Variants in CDH18 observed in about 807,000 individuals in gnomAD.
CDH18 encodes the protein cadherin 18.
In CDH18, 31 loss-of-function variants were observed where a neutral mutation model predicts 67.9. The ratio of observed to expected loss-of-function variants is 0.46; its 90% CI spans 0.34 to 0.62. CDH18 has a LOEUF of 0.62. CDH18 is among the 20% of genes least tolerant of loss of function. CDH18 has a pLI of 0.01. For synonymous variants in CDH18, 362 were observed against 347.2 expected (o/e 1.04, Z -0.48); for missense variants, 890 against 975.5 (o/e 0.91, Z 1.17).
chr5:20,162,965 C>A (rs186824627), intron 2 of CDH18, among the ~76,000 whole-genome samples: 1 of 151,698 alleles, frequency 6.6e-6, no homozygotes, highest in Non-Finnish European at 1.5e-5. Context: ...AGGCTGGGGC[C>A]GGAGAATCGC....
At chr5:20,172,190 G>GTGTGTATATATATATA (rs1342353318) in intron 2 of CDH18, among the ~76,000 whole-genome samples, 15 of 23,324 alleles carry the variant, frequency 6.4e-4, no homozygotes, top group African/African-American at 2.4e-3. Context: ...AGCATTGTGT[G>GTGTGTATATATATATA]TATATATATA....
At chr5:20,560,573 G>A (rs1366721862) in intron 1 of CDH18, among the ~76,000 whole-genome samples, 2 of 151,414 alleles carry the variant, frequency 1.3e-5, no homozygotes, top group African/African-American at 4.9e-5. Flanking sequence ...GATTCAGAGT[G>A]GAGAAATCTC....
At chr5:19,796,796 C>CA (rs1172980611) in intron 3 of CDH18, among the ~76,000 whole-genome samples, 2 of 151,962 alleles carry the variant, frequency 1.3e-5, no homozygotes, top group Non-Finnish European at 2.9e-5. Flanking sequence ...GAAGCTTTCA[C>CA]ACTTCCTTCA....
At chr5:20,558,950 A>G (rs1339417618) in intron 1 of CDH18, among the ~76,000 whole-genome samples, 1 of 151,564 alleles carries the variant, frequency 6.6e-6, no homozygotes, top group African/African-American at 2.4e-5. Context: ...ACTCTGATAG[A>G]GAAAAGGAAA....
At chr5:19,942,351 G>A (rs748352571) in intron 2 of CDH18, among the ~76,000 whole-genome samples, 1 of 152,148 alleles carries the variant, frequency 6.6e-6, no homozygotes, top group Non-Finnish European at 1.5e-5. Context: ...TTGCCAATAA[G>A]TACAATCTAC....
At chr5:19,706,888 C>G (rs1036718927) in intron 5 of CDH18, among the ~76,000 whole-genome samples, 4 of 152,106 alleles carry the variant, frequency 2.6e-5, no homozygotes, top group Non-Finnish European at 4.4e-5. Flanking sequence ...CTGAATCTAG[C>G]ATTATTGACT....
Position 20,504,758 on chromosome 5 carries a change from GA to G in CDH18, c.-580+70703del, listed in dbSNP as rs1371651106. Among the ~76,000 whole-genome samples the G allele has an allele frequency of 8.4e-3, 1,121 of 132,988 alleles. 24 individuals carry two copies. The highest frequency in any genetic ancestry group is 0.029 in the African/African-American group (1,059 of 35,908). 87.2% of individuals were successfully genotyped at this position (132,988 alleles called of 152,430 possible). On this transcript the variant is annotated intron_variant, in intron 1 of 14. Coordinates refer to the CDH18 transcript ENST00000507958. ...AGGTAGAAAAAGTGAACACAAAAGG[GA>G]ATTTTTTTTTTTTTTTTTTTTTTTT... is the stretch of plus-strand genomic sequence containing the variant.
At chr5:19,609,518 G>A (rs1049931495) in intron 6 of CDH18, among the ~76,000 whole-genome samples, 11 of 151,882 alleles carry the variant, frequency 7.2e-5, no homozygotes, top group African/African-American at 2.7e-4. Flanking sequence ...ACATTGTAAA[G>A]CAAATTACTA....
intron 2 of CDH18, among the ~76,000 whole-genome samples, chr5:20,085,099 T>C (rs1182357067): frequency 6.6e-6 from 1 of 152,202 alleles, no homozygotes; most frequent in Non-Finnish European, 1.5e-5. Flanking sequence ...TTTTATGCTC[T>C]GCTTCCCTTA....
chr5:19,586,968 G>A (rs1744256152), intron 7 of CDH18, among the ~76,000 whole-genome samples: 1 of 152,092 alleles, frequency 6.6e-6, no homozygotes, highest in African/African-American at 2.4e-5. Flanking sequence ...GTGATGTTGA[G>A]CTTTTTTTCA....
chr5:20,344,690 T>C (rs1740558665), intron 1 of CDH18, among the ~76,000 whole-genome samples: 1 of 151,966 alleles, frequency 6.6e-6, no homozygotes, highest in Non-Finnish European at 1.5e-5. Flanking sequence ...CTCAAGAAAC[T>C]CATTTCCCTC....
intron 1 of CDH18, among the ~76,000 whole-genome samples, chr5:20,404,865 C>A (rs77082657): frequency 0.01 from 1,531 of 152,174 alleles, 20 homozygotes; most frequent in African/African-American, 0.035. Context: ...AAAGTAAAAT[C>A]ACAATAAATA....
At chr5:20,441,861 A>G (rs537987820) in intron 1 of CDH18, among the ~76,000 whole-genome samples, 1 of 151,956 alleles carries the variant, frequency 6.6e-6, no homozygotes, top group Non-Finnish European at 1.5e-5. Flanking sequence ...TCAAGAGATG[A>G]CAATCTGTTG....
At chr5:19,514,453 T>C (rs932139762) in intron 10 of CDH18, among the ~76,000 whole-genome samples, 3 of 152,154 alleles carry the variant, frequency 2.0e-5, no homozygotes, top group Non-Finnish European at 4.4e-5. Flanking sequence ...CTAGTTTACA[T>C]TCCCATCAAC....
intron 5 of CDH18, among the ~76,000 whole-genome samples, chr5:19,694,253 T>C (rs183906330): frequency 6.6e-6 from 1 of 152,294 alleles, no homozygotes. Flanking sequence ...CACAACTCTC[T>C]ACTATTTTAA....
At chr5:19,685,650 T>C (rs13177990) in intron 5 of CDH18, among the ~76,000 whole-genome samples, 85,489 of 152,096 alleles carry the variant, frequency 0.56, 27,215 homozygotes, top group East Asian at 0.74. Flanking sequence ...ATGCCCTGGT[T>C]GGATCCAGTT....
At chr5:20,226,509 G>C (rs1157700610) in intron 2 of CDH18, among the ~76,000 whole-genome samples, 1 of 151,980 alleles carries the variant, frequency 6.6e-6, no homozygotes, top group Non-Finnish European at 1.5e-5. Context: ...TGATAGAGTT[G>C]ATAGATGACT....
chr5:20,523,926 C>A (rs772179417), intron 1 of CDH18, among the ~76,000 whole-genome samples: 3 of 152,188 alleles, frequency 2.0e-5, no homozygotes, highest in Non-Finnish European at 2.9e-5. Flanking sequence ...AGGAGGGAGA[C>A]AAGAGATTGG....
chr5:20,168,418 A>G (rs754819945), intron 2 of CDH18, among the ~76,000 whole-genome samples: 18 of 152,064 alleles, frequency 1.2e-4, no homozygotes, highest in Non-Finnish European at 2.4e-4. Flanking sequence ...GATTAATAGT[A>G]AAATAGAAAA....
Sources: allele counts gnomAD v4.1 joint callset (sites outside exome capture counted in the v4.1 genomes callset), GRCh38; gene constraint gnomAD v4.1.1; transcripts MANE v1.5; gene names NCBI Gene and HGNC (gene_info 2026-07-23, HGNC 2026-07-21).